Variants in DMXL1 observed in about 807,000 individuals in gnomAD.
The protein encoded by DMXL1 is Dmx like 1, also known as dmX-like protein 1.
In DMXL1, 99 loss-of-function variants were observed where a neutral mutation model predicts 319.2. The observed-to-expected ratio is 0.31, with a 90% CI of 0.26 to 0.37. DMXL1 has a LOEUF of 0.37. Ranked by LOEUF, DMXL1 falls within the 10% of genes least tolerant of loss-of-function variation. The pLI, the probability that DMXL1 is intolerant of heterozygous loss-of-function variation, is 1.00. For synonymous variants in DMXL1, 1,385 were observed against 1,235.2 expected (o/e 1.12, Z -2.54); for missense variants, 3,745 against 3,595.6 (o/e 1.04, Z -1.06).
chr5:119,239,802 A>T (rs972819292), intron 41 of DMXL1, among the ~76,000 whole-genome samples: 1 of 151,380 alleles, frequency 6.6e-6, no homozygotes, highest in Non-Finnish European at 1.5e-5. Flanking sequence ...CTAAAAATAC[A>T]AAAAATTAGC....
intron 24 of DMXL1, 59 bp downstream of exon 24, chr5:119,171,339 C>T (rs1206149143): frequency 2.7e-6 from 4 of 1,503,792 alleles, no homozygotes; most frequent in Non-Finnish European, 3.5e-6. Flanking sequence ...TTTGGTGTTT[C>T]TTTTTTGGTT....
chr5:119,103,470 T>C (rs1757700038), intron 3 of DMXL1, among the ~76,000 whole-genome samples: 1 of 152,210 alleles, frequency 6.6e-6, no homozygotes, highest in Admixed American at 6.5e-5. Flanking sequence ...TATAGTGACT[T>C]GACAAGTGAA....
At chr5:119,228,976 A>G (rs1284633433) in intron 38 of DMXL1, among the ~76,000 whole-genome samples, 1 of 151,964 alleles carries the variant, frequency 6.6e-6, no homozygotes, top group Non-Finnish European at 1.5e-5. Context: ...GTCTTAGGTA[A>G]TCAAAGACCT....
chr5:119,124,336 TAAGA>T (rs1763001462), intron 9 of DMXL1, among the ~76,000 whole-genome samples: 1 of 148,378 alleles, frequency 6.7e-6, no homozygotes, highest in African/African-American at 2.5e-5. Flanking sequence ...AAAAAAAAAG[TAAGA>T]AAGACCAAGG....
chr5:119,148,781 C>T lies in DMXL1; in HGVS notation c.2954C>T (p.Pro985Leu). Residue 985 changes from proline (P) to leucine (L), a missense_variant, in exon 18 of 44, where the codon CCT becomes CTT. Around this residue, in one of 4 missense-constraint regions of DMXL1, gnomAD observed 2,096 missense variants for 1,985.4 expected, o/e 1.06. Transcript: ENST00000539542. ...TCTATATATCCTGCATGCAGTGCTCCTTATTTATTGGCAACTTCATGTTCA... is the reference window on the plus strand; with the variant it reads ...TCTATATATCCTGCATGCAGTGCTCTTTATTTATTGGCAACTTCATGTTCA... The part of the protein sequence containing the change: ...SSSIYPACSA[P>L]YLLATSCSDE... 1.2e-6 allele frequency: 2 copies of T among 1,613,462 alleles called. No homozygotes were observed. The highest frequency in any genetic ancestry group is 1.7e-6 in the Non-Finnish European group (2 of 1,179,628).
chr5:119,208,588 T>C (rs1384467751), intron 34 of DMXL1, among the ~76,000 whole-genome samples: 1 of 152,198 alleles, frequency 6.6e-6, no homozygotes, highest in Non-Finnish European at 1.5e-5. Context: ...TAATGTTGTA[T>C]TTCTATAGTC....
chr5:119,186,770 T>A (rs1347770737), intron 28 of DMXL1, among the ~76,000 whole-genome samples: 1 of 152,160 alleles, frequency 6.6e-6, no homozygotes, highest in South Asian at 2.1e-4. Context: ...GTTACTTTTA[T>A]AATTCTTAGA....
At chr5:119,234,531 A>G (rs1787369313) in intron 39 of DMXL1, among the ~76,000 whole-genome samples, 1 of 152,148 alleles carries the variant, frequency 6.6e-6, no homozygotes, top group African/African-American at 2.4e-5. Flanking sequence ...TCATTTCACA[A>G]AAGTAGTTTT....
chr5:119,211,193 A>G (rs1158717144), intron 34 of DMXL1, among the ~76,000 whole-genome samples: 4 of 152,030 alleles, frequency 2.6e-5, no homozygotes, highest in South Asian at 2.1e-4. Context: ...TTTTACATCT[A>G]TGTTCATGAG....
At chr5:119,174,477 TATATA>T (rs905362581) in intron 25 of DMXL1, among the ~76,000 whole-genome samples, 2 of 152,250 alleles carry the variant, frequency 1.3e-5, no homozygotes, top group African/African-American at 4.8e-5. Flanking sequence ...CATCTTCAAT[TATATA>T]ATATCTTTTA....
chr5:119,222,726 T>A (rs1385448451), intron 37 of DMXL1, among the ~76,000 whole-genome samples: 1 of 152,116 alleles, frequency 6.6e-6, no homozygotes, highest in East Asian at 1.9e-4. Flanking sequence ...AACAAGTCAT[T>A]AATAGGGCCC....
At chr5:119,158,181 C>T (rs184350120) in intron 19 of DMXL1, among the ~76,000 whole-genome samples, 72 of 150,956 alleles carry the variant, frequency 4.8e-4, no homozygotes, top group Non-Finnish European at 8.5e-4. Context: ...TGTGAGCCAC[C>T]GGCCTGGCCG....
chr5:119,234,510 T>C (rs1197653195), intron 39 of DMXL1, among the ~76,000 whole-genome samples: 1 of 152,180 alleles, frequency 6.6e-6, no homozygotes, highest in African/African-American at 2.4e-5. Flanking sequence ...GTTTATCACA[T>C]GGCTCTATTT....
chr5:119,106,340 A>G (rs1758339560), intron 4 of DMXL1, among the ~76,000 whole-genome samples: 1 of 151,728 alleles, frequency 6.6e-6, no homozygotes, highest in Non-Finnish European at 1.5e-5. Flanking sequence ...GGAGACATAG[A>G]CTCCCCCTCT....
intron 41 of DMXL1, 41 bp downstream of exon 41, chr5:119,239,121 G>T (rs369830750): frequency 1.2e-6 from 2 of 1,601,438 alleles, no homozygotes; most frequent in East Asian, 2.2e-5. Flanking sequence ...AGAAAGTATA[G>T]CTGAACTTTT....
intron 5 of DMXL1, among the ~76,000 whole-genome samples, chr5:119,111,821 T>TA (rs145496696): frequency 0.061 from 9,259 of 152,240 alleles, 373 homozygotes; most frequent in Middle Eastern, 0.085. Flanking sequence ...TAGCACATAT[T>TA]AAAAATAAGT....
chr5:119,197,645 CT>C (rs370493003), intron 31 of DMXL1, 109 bp from the exon 32 acceptor site: 56,578 of 653,492 alleles, frequency 0.087, 17 homozygotes, highest in East Asian at 0.13. Flanking sequence ...TCATCTCAGT[CT>C]TTTTTTTTTT....
rs1354967297 is a variant in DMXL1 at position 119,133,543 on chromosome 5, ACT to A, written c.1626_1627del (p.Cys543Ter). The A allele has an allele frequency of 6.2e-7, 1 of 1,612,758 alleles. No homozygotes were observed. The highest frequency in any genetic ancestry group is 1.3e-5 in the African/African-American group (1 of 74,792). ...GTAGCTTTCCCCACAGGTGATGCAA[ACT>A]CTCTCTGTAAAAGCATAATGATGTA... On this transcript the variant is annotated frameshift_variant, in exon 12 of 44. Transcript: ENST00000539542. LOFTEE classifies it high-confidence loss of function.
At chr5:119,131,940 C>T (rs1185519404) in intron 10 of DMXL1, among the ~76,000 whole-genome samples, 1 of 152,164 alleles carries the variant, frequency 6.6e-6, no homozygotes, top group African/African-American at 2.4e-5. Context: ...ATGTTCCTCA[C>T]ACTCAAGGCA....
Sources: gnomAD v4.1 joint callset for allele counts (sites outside exome capture counted in the v4.1 genomes callset) on GRCh38, gnomAD v4.1.1 for gene constraint, gnomAD v4.1.1 regional missense constraint, MANE v1.5 for transcripts, NCBI Gene and HGNC (gene_info 2026-07-23, HGNC 2026-07-21) for gene names.